Variants in SECISBP2 observed in about 807,000 individuals in gnomAD.
The protein encoded by SECISBP2 is selenocysteine insertion sequence-binding protein 2.
SECISBP2 carries 96 observed loss-of-function variants against 98.2 expected under a neutral mutation model. The observed-to-expected ratio is 0.98, with a 90% CI of 0.83 to 1.16. SECISBP2 has a LOEUF of 1.16. Ranked by LOEUF, SECISBP2 falls within the 50% of genes most tolerant of loss-of-function variation. SECISBP2 has a pLI of 0.00. For synonymous variants in SECISBP2, 407 were observed against 370.2 expected (o/e 1.10, Z -1.14); for missense variants, 1,046 against 1,022.9 (o/e 1.02, Z -0.31).
intron 2 of SECISBP2, chr9:89,322,559 T>G (rs1324285145): frequency 6.6e-6 from 1 of 152,276 alleles, no homozygotes; most frequent in Non-Finnish European, 1.5e-5. Flanking sequence ...ATTAACGTGC[T>G]ATTCTTCAAA....
Position 89,338,500 on chromosome 9 carries a change from T to C in SECISBP2, c.1132T>C (p.Ser378Pro). ...TAGTGACCTTGAACAAAATGAAGCCTCAAGAAAGAATAAGAAAAAGAAAGA... is the reference window on the plus strand; with the variant it reads ...TAGTGACCTTGAACAAAATGAAGCCCCAAGAAAGAATAAGAAAAAGAAAGA... ...QGSDLEQNEA[S>P]RKNKKKKEKS... Residue 378 changes from serine (S) to proline (P), a missense_variant, in exon 8 of 17, where the codon TCA becomes CCA. By Grantham distance (74) the Ser-to-Pro change is moderately conservative (BLOSUM62 -1). Coordinates refer to ENST00000375807, the MANE Select transcript of SECISBP2 (RefSeq NM_024077.5). The C allele has an allele frequency of 6.2e-7, 1 of 1,613,514 alleles. No individual in the cohort carries two copies. The highest frequency in any genetic ancestry group is 8.5e-7 in the Non-Finnish European group (1 of 1,179,868).
intron 5 of SECISBP2, chr9:89,332,488 C>T (rs1421084589): frequency 7.9e-6 from 2 of 252,046 alleles, no homozygotes; most frequent in Non-Finnish European, 7.7e-6. Flanking sequence ...CCTTCCTCCC[C>T]TCAGCCCCTG....
chr9:89,354,705 C>T (rs1831800016), intron 14 of SECISBP2: 1 of 939,836 alleles, frequency 1.1e-6, no homozygotes, highest in South Asian at 4.9e-5. Context: ...CAAGGGCCAA[C>T]CTGACAGGCA....
chr9:89,359,122 T>C lies in SECISBP2; in HGVS notation c.*298T>C. 5.1e-6 allele frequency: 2 copies of C among 391,044 alleles called. No homozygotes were observed. The highest frequency in any genetic ancestry group is 2.3e-5 in the South Asian group (1 of 44,100). 24.2% of individuals were successfully genotyped at this position (391,044 alleles called of 1,614,324 possible). A position where few individuals can be genotyped will look rare whatever the true frequency, so the allele number is the denominator to read the frequency against. ...TGGAAAATGTGATACTTAGAATACT[T>C]TGGCTGCTAAGGAAACTTCCTCTCC... On this transcript the variant is annotated 3_prime_UTR_variant, in exon 17 of 17. Transcript: ENST00000375807.
rs575725913 is a variant in SECISBP2 at position 89,357,627 on chromosome 9, G to A, written c.2268+62G>A. Reference sequence around the variant, plus strand: ...CCGTGGGAGGAAGTGGGGGCAGGTGGTCAGTGTGGGCTCACCCACAGAGCA... The same window carrying A: ...CCGTGGGAGGAAGTGGGGGCAGGTGATCAGTGTGGGCTCACCCACAGAGCA... On this transcript the variant is annotated intron_variant, in intron 15 of 16. Coordinates refer to ENST00000375807, the MANE Select transcript of SECISBP2 (RefSeq NM_024077.5). 2.6e-3 allele frequency: 4,226 copies of A among 1,600,842 alleles called. 6 individuals carry two copies. The highest frequency in any genetic ancestry group is 3.2e-3 in the Non-Finnish European group (3,769 of 1,170,040).
chr9:89,363,275 C>T (rs368390278), downstream of SECISBP2, among the ~76,000 whole-genome samples: 9 of 152,280 alleles, frequency 5.9e-5, no homozygotes, highest in South Asian at 2.1e-4. Flanking sequence ...TTTCCCCCCC[C>T]AGTGTTGCAG....
In SECISBP2 at chr9:89,325,414, A is replaced by T; in HGVS notation, c.183-13A>T. On this transcript the variant is annotated splice_polypyrimidine_tract_variant and intron_variant, in intron 2 of 16. Coordinates refer to ENST00000375807, the MANE Select transcript of SECISBP2 (RefSeq NM_024077.5). The stretch of plus-strand genomic sequence containing the variant: ...TATGAAATCTGCAACTAAAGTTTAC[A>T]CTTTTTACTTAGGCAGAAAATATAT... 1 of 1,613,458 alleles carries T rather than the reference A, an allele frequency of 6.2e-7. No homozygotes were observed. The highest frequency in any genetic ancestry group is 1.1e-5 in the South Asian group (1 of 91,066).
intron 4 of SECISBP2, among the ~76,000 whole-genome samples, chr9:89,327,140 G>A (rs1826856601): frequency 6.6e-6 from 1 of 151,758 alleles, no homozygotes; most frequent in Non-Finnish European, 1.5e-5. Context: ...CTCCAGCCTG[G>A]GAGACAGAGC....
chr9:89,333,448 A>C (rs955758739), intron 6 of SECISBP2, among the ~76,000 whole-genome samples: 5 of 152,252 alleles, frequency 3.3e-5, no homozygotes, highest in Non-Finnish European at 1.5e-5. Context: ...CCGTTTTTCA[A>C]AATTAAAAAG....
chr9:89,363,249 G>T (rs1833001056), downstream of SECISBP2, among the ~76,000 whole-genome samples: 1 of 149,762 alleles, frequency 6.7e-6, no homozygotes, highest in South Asian at 2.2e-4. Flanking sequence ...TGCAGTCTCA[G>T]CAACAAGACG....
rs2131946663 is a variant in SECISBP2, at chr9:89,347,956, C to T, written c.1603-123C>T. 8 of 925,568 alleles carry T rather than the reference C, an allele frequency of 8.6e-6. No homozygotes were observed. The South Asian group carries it at 1.2e-4, about 13-fold the overall frequency. The allele number at this position is 925,568 out of a possible 1,614,324, so 57.3% of individuals were successfully genotyped here. A position where few individuals can be genotyped will look rare whatever the true frequency, so the allele number is the denominator to read the frequency against. Reference sequence around the variant, plus strand: ...TCCCTGGAGTCTGGGGAGCACTTGGCTGCTCTCAGGGCACTAAGAGGCACA... The same window carrying T: ...TCCCTGGAGTCTGGGGAGCACTTGGTTGCTCTCAGGGCACTAAGAGGCACA... On this transcript the variant is annotated intron_variant, in intron 11 of 16. Coordinates refer to ENST00000375807, the MANE Select transcript of SECISBP2 (RefSeq NM_024077.5).
At chr9:89,334,869 A>T in intron 7 of SECISBP2, 139 bp downstream of exon 7, 2 of 710,544 alleles carry the variant, frequency 2.8e-6, no homozygotes, top group Admixed American at 4.2e-5. Context: ...GATGGTGATG[A>T]TGGTTGCACA....
At chr9:89,363,798 C>T (rs771619778), downstream of SECISBP2, 2 of 1,614,018 alleles carry the variant, frequency 1.2e-6, no homozygotes, top group Non-Finnish European at 1.7e-6. Context: ...GAGGAGAGGA[C>T]AGAGCAGCGA....
At chr9:89,362,909 ACAGGGAGCCTC>A (rs981065275), downstream of SECISBP2, among the ~76,000 whole-genome samples, 19 of 152,208 alleles carry the variant, frequency 1.2e-4, no homozygotes, top group Non-Finnish European at 2.5e-4. Context: ...CCGTGGGGAG[ACAGGGAGCCTC>A]TAGGGAGCCT....
At position 89,348,127 on chromosome 9, in the gene SECISBP2, G is replaced by A; in HGVS notation, c.1651G>A (p.Ala551Thr). 1 of 1,614,022 alleles carries A rather than the reference G, an allele frequency of 6.2e-7. No individual in the cohort carries two copies. The highest frequency in any genetic ancestry group is 8.5e-7 in the Non-Finnish European group (1 of 1,179,846). ...GAGAAAGCAGCGTCTCCAAGAAAATGCTGTGAGTCCAGCTTTTACCAGTGA... is the reference window on the plus strand; with the variant it reads ...GAGAAAGCAGCGTCTCCAAGAAAATACTGTGAGTCCAGCTTTTACCAGTGA... The part of the protein sequence containing the change: ...QERKQRLQEN[A>T]VSPAFTSDDT... Residue 551 changes from alanine (A) to threonine (T), a missense_variant, in exon 12 of 17, where the codon GCT becomes ACT. Transcript: ENST00000375807.
chr9:89,357,103 A>G, intron 14 of SECISBP2: 1 of 413,168 alleles, frequency 2.4e-6, no homozygotes, highest in Non-Finnish European at 4.6e-6. Context: ...CAGTGAGGAC[A>G]CAGCATCTGT....
Position 89,346,869 on chromosome 9 carries a change from C to G in SECISBP2, c.1436-13C>G, listed in dbSNP as rs1372801194. 6.2e-7 allele frequency: 1 copy of G among 1,613,626 alleles called. No individual in the cohort carries two copies. Among genetic ancestry groups the G allele is most frequent in the Non-Finnish European group, 8.5e-7 (1 of 1,179,968 alleles). On this transcript the variant is annotated splice_polypyrimidine_tract_variant and intron_variant, in intron 10 of 16. Coordinates refer to ENST00000375807, the MANE Select transcript of SECISBP2 (RefSeq NM_024077.5). ...GGAGGTGACCGTGAGGGCTTTGTCC[C>G]ACTGCGTTTCAGTTGGAGCAGTGCC...
intron 7 of SECISBP2, among the ~76,000 whole-genome samples, chr9:89,335,305 C>T (rs903681931): frequency 3.2e-4 from 49 of 151,972 alleles, no homozygotes; most frequent in African/African-American, 1.1e-3. Flanking sequence ...ATGTGCATCA[C>T]GTTTTGATTA....
chr9:89,318,762 T>C, intron 1 of SECISBP2, 150 bp downstream of exon 1: 6 of 1,235,610 alleles, frequency 4.9e-6, no homozygotes, highest in Middle Eastern at 3.0e-4. Flanking sequence ...GGCCGCGATC[T>C]TCGCGCCCCG....
Sources: allele counts gnomAD v4.1 joint callset (sites outside exome capture counted in the v4.1 genomes callset), GRCh38; gene constraint gnomAD v4.1.1; transcripts MANE v1.5; gene names NCBI Gene and HGNC (gene_info 2026-07-23, HGNC 2026-07-21).